The following AMBRA1 variants were observed in gnomAD, a reference collection of about 807,000 sequenced individuals.
The protein encoded by AMBRA1 is autophagy and beclin 1 regulator 1.
Under a neutral mutation model 125.4 loss-of-function variants are expected in AMBRA1, and 47 were observed. The ratio of observed to expected loss-of-function variants is 0.37; its 90% confidence interval spans 0.30 to 0.48. AMBRA1 has a LOEUF of 0.48. Ranked by LOEUF, AMBRA1 falls within the 20% of genes least tolerant of loss-of-function variation. The pLI is 0.99. For missense variants in AMBRA1, 1,331 were observed against 1,693.4 expected, an observed-to-expected ratio of 0.79 and a Z score of 3.76; for synonymous variants, 626 against 655.5, an observed-to-expected ratio of 0.95 and a Z score of 0.69.
Position 46,548,519 on chromosome 11 carries a change from A to G in AMBRA1, c.-120-19T>C, listed in dbSNP as rs1443928373. On this transcript the variant is annotated intron_variant, in intron 1 of 17. Coordinates refer to ENST00000683756, the MANE Select transcript of AMBRA1 (RefSeq NM_001387011.1). ...TGGAAATCTTAAGGAACAAAGAATA[A>G]TGTCAAAGAACGACTTCTGCAACGA... 1.9e-6 allele frequency: 2 copies of G among 1,050,880 alleles called. No individual in the cohort carries two copies. The highest frequency in any genetic ancestry group is 2.2e-4 in the Middle Eastern group (1 of 4,542). The allele number at this position is 1,050,880 out of a possible 1,614,324, so 65.1% of individuals were successfully genotyped here.
At chr11:46,422,989 G>A (rs1057180605) in intron 14 of AMBRA1, among the ~76,000 whole-genome samples, 3 of 152,190 alleles carry the variant, frequency 2.0e-5, no homozygotes, top group Admixed American at 2.0e-4. Context: ...GAACTGTGAG[G>A]AGGAAAGATG....
intron 11 of AMBRA1, among the ~76,000 whole-genome samples, chr11:46,486,912 A>C (rs1409525453): frequency 1.9e-5 from 1 of 53,222 alleles, no homozygotes; most frequent in Non-Finnish European, 3.4e-5. Context: ...TCTCAACATA[A>C]ATAAATAAAT....
intron 7 of AMBRA1, among the ~76,000 whole-genome samples, chr11:46,523,241 C>T (rs1017657474): frequency 2.0e-5 from 3 of 152,178 alleles, no homozygotes; most frequent in Non-Finnish European, 4.4e-5. Context: ...TTCACTGATT[C>T]GCCTCTGGGG....
chr11:46,463,671 A>T (rs1949197283), intron 11 of AMBRA1, among the ~76,000 whole-genome samples: 1 of 152,192 alleles, frequency 6.6e-6, no homozygotes. Flanking sequence ...CACTTCCAAA[A>T]TTCCTAAAAA....
At chr11:46,406,753 G>A (rs1446496583) in intron 17 of AMBRA1, among the ~76,000 whole-genome samples, 2 of 151,332 alleles carry the variant, frequency 1.3e-5, no homozygotes, top group African/African-American at 4.9e-5. Flanking sequence ...GTGGTGGCAG[G>A]AGCCTGTAAT....
intron 1 of AMBRA1, among the ~76,000 whole-genome samples, chr11:46,549,311 A>T (rs1001786371): frequency 2.6e-5 from 4 of 152,230 alleles, no homozygotes; most frequent in African/African-American, 9.6e-5. Flanking sequence ...CCACTGTGAC[A>T]TTGTTTCTTT....
intron 15 of AMBRA1, among the ~76,000 whole-genome samples, chr11:46,414,097 G>A (rs969612787): frequency 6.6e-6 from 1 of 152,188 alleles, no homozygotes; most frequent in African/African-American, 2.4e-5. Flanking sequence ...TCCCTGAACA[G>A]ACCTGAGCTC....
At chr11:46,555,688 C>CA (rs1374576044) in intron 1 of AMBRA1, among the ~76,000 whole-genome samples, 1 of 152,120 alleles carries the variant, frequency 6.6e-6, no homozygotes, top group Non-Finnish European at 1.5e-5. Context: ...GTTTATGTGG[C>CA]AAAAATAATT....
chr11:46,551,813 A>C (rs955062040), intron 1 of AMBRA1, among the ~76,000 whole-genome samples: 6 of 152,194 alleles, frequency 3.9e-5, no homozygotes, highest in African/African-American at 1.4e-4. Context: ...GGATCACCTG[A>C]GGTCAGGAGT....
intron 7 of AMBRA1, among the ~76,000 whole-genome samples, chr11:46,531,243 T>C (rs574612730): frequency 1.6e-4 from 24 of 152,092 alleles, no homozygotes; most frequent in African/African-American, 5.6e-4. Context: ...CAAAGTTGAG[T>C]AATTGCAACA....
intron 11 of AMBRA1, among the ~76,000 whole-genome samples, chr11:46,459,035 T>C (rs1398536965): frequency 2.6e-5 from 4 of 152,202 alleles, no homozygotes; most frequent in African/African-American, 7.2e-5. Context: ...TCTTTCATTA[T>C]AAATAAATTT....
chr11:46,401,590 G>T (rs1945762815), intron 17 of AMBRA1, among the ~76,000 whole-genome samples: 1 of 152,176 alleles, frequency 6.6e-6, no homozygotes, highest in African/African-American at 2.4e-5. Context: ...GGCCCTATGG[G>T]TGCTGCTGCA....
intron 15 of AMBRA1, among the ~76,000 whole-genome samples, chr11:46,416,383 G>T (rs982560436): frequency 1.3e-5 from 2 of 152,156 alleles, no homozygotes; most frequent in Non-Finnish European, 2.9e-5. Context: ...ATGGTCTCTG[G>T]AGCAAGTGGC....
chr11:46,519,016 A>G lies in AMBRA1; in HGVS notation c.2073-6203T>C, dbSNP rs115672488. Among the ~76,000 whole-genome samples, 964 of 152,242 alleles carry G rather than the reference A, an allele frequency of 6.3e-3. 10 individuals are homozygous for G. Among genetic ancestry groups the G allele is most frequent in the African/African-American group, 0.015 (639 of 41,548 alleles). ...GATCAACTGAAAGAAAAGAACCTTC[A>G]CTTCATTATTTTATTTTATTTCATT... On this transcript the variant is annotated intron_variant, in intron 7 of 17. Coordinates refer to ENST00000683756, the MANE Select transcript of AMBRA1 (RefSeq NM_001387011.1).
chr11:46,568,909 C>G (rs1220636875), intron 1 of AMBRA1, among the ~76,000 whole-genome samples: 2 of 145,252 alleles, frequency 1.4e-5, no homozygotes, highest in African/African-American at 5.1e-5. Flanking sequence ...CAGGTTCAAT[C>G]GATTCTCCTG....
intron 1 of AMBRA1, among the ~76,000 whole-genome samples, chr11:46,579,260 C>G (rs993582381): frequency 6.6e-6 from 1 of 151,956 alleles, no homozygotes; most frequent in East Asian, 1.9e-4. Context: ...GAGTTCGAGA[C>G]CAGCCTGACC....
At chr11:46,564,840 C>T (rs887825960) in intron 1 of AMBRA1, among the ~76,000 whole-genome samples, 6 of 152,176 alleles carry the variant, frequency 3.9e-5, no homozygotes, top group Non-Finnish European at 8.8e-5. Flanking sequence ...GTAATATATA[C>T]ACAGATCATC....
At chr11:46,580,660 C>T (rs1268236920) in intron 1 of AMBRA1, among the ~76,000 whole-genome samples, 7 of 152,238 alleles carry the variant, frequency 4.6e-5, no homozygotes, top group Non-Finnish European at 2.9e-5. Flanking sequence ...TCTATCTCCA[C>T]TGCCTACAGT....
chr11:46,537,969 C>A (rs958322102), intron 7 of AMBRA1, among the ~76,000 whole-genome samples: 1 of 152,192 alleles, frequency 6.6e-6, no homozygotes, highest in African/African-American at 2.4e-5. Flanking sequence ...GCAGGGACAC[C>A]TTTTCTTCCC....
Sources: gnomAD v4.1 joint callset for allele counts (sites outside exome capture counted in the v4.1 genomes callset) on GRCh38, gnomAD v4.1.1 for gene constraint, MANE v1.5 for transcripts, NCBI Gene and HGNC (gene_info 2026-07-23, HGNC 2026-07-21) for gene names.